Variants in LRRC37A2 observed in about 807,000 individuals in gnomAD.
LRRC37A2 encodes the protein leucine-rich repeat-containing protein 37A2.
LRRC37A2 carries 9 observed loss-of-function variants against 68.8 expected under a neutral mutation model. The ratio of observed to expected loss-of-function variants is 0.13; its 90% CI spans 0.08 to 0.23. LRRC37A2 has a LOEUF of 0.23. Ranked by LOEUF, LRRC37A2 falls within the 10% of genes least tolerant of loss-of-function variation. The pLI is 1.00. For synonymous variants in LRRC37A2, 63 were observed against 367.6 expected (o/e 0.17, Z 9.48); for missense variants, 168 against 950.4 (o/e 0.18, Z 10.82).
chr17:46,933,666 T>C, the LRRC37A2 span: 1 of 149,664 alleles, frequency 6.7e-6, no homozygotes, highest in Non-Finnish European at 1.5e-5. Context: ...AACTGGAATT[T>C]AGGTGGTAAA....
chr17:47,023,320 A>AT, the LRRC37A2 span, among the ~76,000 whole-genome samples: 5 of 152,192 alleles, frequency 3.3e-5, no homozygotes, highest in Non-Finnish European at 7.3e-5. Flanking sequence ...AGTAACTGAC[A>AT]TTTTTCACAA....
the LRRC37A2 span, among the ~76,000 whole-genome samples, chr17:46,846,158 T>A: frequency 1.3e-5 from 2 of 152,212 alleles, no homozygotes; most frequent in African/African-American, 4.8e-5. Flanking sequence ...TAGACAGAAC[T>A]GGACTGCTCA....
chr17:47,019,382 A>G, the LRRC37A2 span: 2 of 1,610,770 alleles, frequency 1.2e-6, no homozygotes, highest in Admixed American at 1.7e-5. Flanking sequence ...TAACTACAAT[A>G]CCTACTACAG....
the LRRC37A2 span, among the ~76,000 whole-genome samples, chr17:47,037,768 A>G: frequency 3.3e-5 from 5 of 152,120 alleles, no homozygotes; most frequent in African/African-American, 4.8e-5. Context: ...TTCTTAGTGG[A>G]AAGTTTTTTG....
At chr17:46,977,357 A>G in the LRRC37A2 span, among the ~76,000 whole-genome samples, 1 of 152,236 alleles carries the variant, frequency 6.6e-6, no homozygotes, top group East Asian at 1.9e-4. Flanking sequence ...CGGGGTTGGC[A>G]CTAGGACTAA....
chr17:46,817,236 C>T, the LRRC37A2 span, among the ~76,000 whole-genome samples: 1 of 152,198 alleles, frequency 6.6e-6, no homozygotes, highest in Non-Finnish European at 1.5e-5. Flanking sequence ...CTACCCTGGA[C>T]TCTGGGTTGG....
chr17:46,707,581 C>A, the LRRC37A2 span, among the ~76,000 whole-genome samples: 1 of 152,100 alleles, frequency 6.6e-6, no homozygotes, highest in Admixed American at 6.5e-5. Flanking sequence ...ATTCTACTGT[C>A]CATCTTTATG....
chr17:46,972,978 T>G, the LRRC37A2 span: 1 of 153,610 alleles, frequency 6.5e-6, no homozygotes, highest in South Asian at 2.0e-4. Context: ...TCTTGTAGTA[T>G]TCCCTCTAAC....
chr17:46,861,464 A>G, the LRRC37A2 span, among the ~76,000 whole-genome samples: 30 of 151,950 alleles, frequency 2.0e-4, no homozygotes, highest in Non-Finnish European at 3.8e-4. Flanking sequence ...TTCTGCCTCC[A>G]TGGGCTCTCT....
the LRRC37A2 span, among the ~76,000 whole-genome samples, chr17:46,928,807 A>G: frequency 6.6e-6 from 1 of 152,070 alleles, no homozygotes; most frequent in African/African-American, 2.4e-5. Flanking sequence ...GAATTTTTGC[A>G]TATCATTTTC....
At position 46,537,077 on chromosome 17, in the gene LRRC37A2, ATTTTTTTTTTTTTT is replaced by A. The variant is rs766255014; in HGVS notation, c.2907-3083_2907-3070del. ...GTTCTGAAAAAGTTTATTGTGGTCA[ATTTTTTTTTTTTTT>A]TTTTTTTTTTTTTTTGCTATTTTTT... On this transcript the variant is annotated intron_variant, in intron 6 of 14. Coordinates refer to ENST00000576629, the Ensembl canonical transcript of LRRC37A2. Among the ~76,000 whole-genome samples the A allele has an allele frequency of 3.7e-4, 13 of 34,816 alleles. No individual in the cohort carries two copies. The East Asian group carries it at 0.012, about 33-fold the overall frequency. 22.8% of individuals were successfully genotyped at this position (34,816 alleles called of 152,430 possible).
the LRRC37A2 span, among the ~76,000 whole-genome samples, chr17:46,819,069 T>C: frequency 6.6e-6 from 1 of 152,106 alleles, no homozygotes; most frequent in Non-Finnish European, 1.5e-5. The surrounding 1 kb of genome is among the most constrained non-coding windows in gnomAD (Gnocchi z 5.3). Context: ...GGGTGGCTCC[T>C]TTGCTGGCGG....
chr17:46,977,452 G>A, the LRRC37A2 span, among the ~76,000 whole-genome samples: 1 of 152,226 alleles, frequency 6.6e-6, no homozygotes, highest in South Asian at 2.1e-4. Context: ...CTTCCAGAAA[G>A]CAGAGCTGTC....
At chr17:46,626,049 TTTAAAACAG>T in the LRRC37A2 span, among the ~76,000 whole-genome samples, 1 of 148,156 alleles carries the variant, frequency 6.7e-6, no homozygotes, top group Admixed American at 6.7e-5. Flanking sequence ...CACAAAATTT[TTTAAAACAG>T]TAAATATTGA....
At chr17:46,745,057 T>C in the LRRC37A2 span, among the ~76,000 whole-genome samples, 1 of 151,790 alleles carries the variant, frequency 6.6e-6, no homozygotes. Context: ...TTTTTTGCTT[T>C]CCGTCAAGGG....
the LRRC37A2 span, chr17:46,768,370 C>T: frequency 6.2e-7 from 1 of 1,613,864 alleles, no homozygotes. This position sits in a 1 kb window ranked among gnomAD's most constrained non-coding sequence, Gnocchi z 5.0. Context: ...TGGCAGCTGA[C>T]GTAGCAGCAC....
the LRRC37A2 span, among the ~76,000 whole-genome samples, chr17:47,006,505 G>A: frequency 1.3e-5 from 2 of 152,116 alleles, no homozygotes; most frequent in Non-Finnish European, 2.9e-5. Context: ...CCAGCTACTC[G>A]GGAGGCTGAG....
chr17:46,853,819 A>G, the LRRC37A2 span, among the ~76,000 whole-genome samples: 1 of 151,968 alleles, frequency 6.6e-6, no homozygotes, highest in Non-Finnish European at 1.5e-5. Flanking sequence ...CTTGGTTTTT[A>G]TGGTTAGAGA....
the LRRC37A2 span, among the ~76,000 whole-genome samples, chr17:46,573,053 C>T: frequency 8.8e-6 from 1 of 114,208 alleles, no homozygotes; most frequent in Non-Finnish European, 1.8e-5. Flanking sequence ...GTCCCCTTAG[C>T]GGCTTCCCAC....
Sources: allele counts gnomAD v4.1 joint callset (sites outside exome capture counted in the v4.1 genomes callset), GRCh38; gene constraint gnomAD v4.1.1; non-coding constraint Gnocchi (gnomAD v3.1); transcripts MANE v1.5; gene names NCBI Gene and HGNC (gene_info 2026-07-23, HGNC 2026-07-21).